Variants in TMEM132D observed in about 807,000 individuals in gnomAD.
TMEM132D encodes the protein transmembrane protein 132D, also known as mature OL transmembrane protein.
Under a neutral mutation model 62.3 loss-of-function variants are expected in TMEM132D, and 21 were observed. The observed-to-expected ratio is 0.34, with a 90% CI of 0.24 to 0.49. TMEM132D has a LOEUF of 0.49. Among genes scored for constraint, TMEM132D ranks in the 20% least tolerant of loss-of-function variants. The pLI, the probability that TMEM132D is intolerant of heterozygous loss-of-function variation, is 0.99. For synonymous variants in TMEM132D, 621 were observed against 575.6 expected (o/e 1.08, Z -1.13); for missense variants, 1,346 against 1,402.8 (o/e 0.96, Z 0.65).
At chr12:129,197,121 C>T (rs947993135) in intron 5 of TMEM132D, among the ~76,000 whole-genome samples, 20 of 152,178 alleles carry the variant, frequency 1.3e-4, no homozygotes, top group Non-Finnish European at 4.4e-5. Context: ...CACATAAAAG[C>T]AGCTACTAAC....
chr12:129,367,621 C>T (rs11060276), intron 3 of TMEM132D, among the ~76,000 whole-genome samples: 10,782 of 152,004 alleles, frequency 0.071, 570 homozygotes, highest in East Asian at 0.21. Context: ...GCCATCTCCG[C>T]GGCCAAGAGG....
intron 2 of TMEM132D, among the ~76,000 whole-genome samples, chr12:129,544,241 T>C (rs1593059807): frequency 6.6e-6 from 1 of 152,378 alleles, no homozygotes; most frequent in East Asian, 1.9e-4. Flanking sequence ...TAAACGTCTG[T>C]TCAAATCCTT....
intron 1 of TMEM132D, among the ~76,000 whole-genome samples, chr12:129,828,443 T>A (rs1272471204): frequency 6.6e-6 from 1 of 151,914 alleles, no homozygotes; most frequent in African/African-American, 2.4e-5. Context: ...GATTTATCCA[T>A]GTAGATAAAC....
intron 1 of TMEM132D, among the ~76,000 whole-genome samples, chr12:129,849,857 G>A (rs539831941): frequency 2.0e-5 from 3 of 152,184 alleles, no homozygotes; most frequent in South Asian, 2.1e-4. Flanking sequence ...TACCAGAGCC[G>A]AGGTTTTATC....
At chr12:129,316,903 C>G (rs748566001) in intron 4 of TMEM132D, among the ~76,000 whole-genome samples, 2 of 151,934 alleles carry the variant, frequency 1.3e-5, no homozygotes, top group African/African-American at 2.4e-5. Context: ...ATATAATTTC[C>G]CTCTTTGTCT....
intron 2 of TMEM132D, among the ~76,000 whole-genome samples, chr12:129,568,917 C>G (rs981759209): frequency 6.6e-6 from 1 of 152,066 alleles, no homozygotes; most frequent in Non-Finnish European, 1.5e-5. Flanking sequence ...ACTCTCAAAC[C>G]CTGGCATCCA....
At chr12:129,582,237 G>T (rs1877885311) in intron 2 of TMEM132D, among the ~76,000 whole-genome samples, 1 of 152,204 alleles carries the variant, frequency 6.6e-6, no homozygotes, top group Non-Finnish European at 1.5e-5. Context: ...CCTTCCAGAT[G>T]TTTTGGGAGC....
chr12:129,759,514 CG>C (rs1870282010), intron 1 of TMEM132D, among the ~76,000 whole-genome samples: 1 of 152,154 alleles, frequency 6.6e-6, no homozygotes, highest in Non-Finnish European at 1.5e-5. Flanking sequence ...TAGGCAGGTT[CG>C]TTCACTGCTC....
chr12:129,626,884 C>T (rs1879232668), intron 2 of TMEM132D, among the ~76,000 whole-genome samples: 1 of 152,164 alleles, frequency 6.6e-6, no homozygotes, highest in South Asian at 2.1e-4. Context: ...TATCCATGGC[C>T]CCAAAGTCCA....
chr12:129,093,192 G>A (rs116976749), intron 5 of TMEM132D, among the ~76,000 whole-genome samples: 1 of 152,208 alleles, frequency 6.6e-6, no homozygotes, highest in East Asian at 1.9e-4. Flanking sequence ...ATGTACAGAG[G>A]GAAAAACAGG....
intron 3 of TMEM132D, among the ~76,000 whole-genome samples, chr12:129,441,220 G>A (rs992168463): frequency 6.6e-6 from 1 of 152,238 alleles, no homozygotes; most frequent in South Asian, 2.1e-4. Flanking sequence ...TCAGCATCAG[G>A]AAAGGGTAGA....
chr12:129,270,674 G>A (rs908587795), intron 4 of TMEM132D, among the ~76,000 whole-genome samples: 2 of 152,114 alleles, frequency 1.3e-5, no homozygotes, highest in Non-Finnish European at 2.9e-5. Flanking sequence ...AGTGTGCCAA[G>A]AGAATGGCTG....
At chr12:129,487,708 G>A (rs990480075) in intron 3 of TMEM132D, among the ~76,000 whole-genome samples, 3 of 151,794 alleles carry the variant, frequency 2.0e-5, no homozygotes, top group Admixed American at 6.6e-5. Flanking sequence ...CGAGGCGGGC[G>A]GATCATGAGG....
intron 4 of TMEM132D, among the ~76,000 whole-genome samples, chr12:129,222,337 C>T (rs894609234): frequency 2.2e-4 from 34 of 152,160 alleles, no homozygotes; most frequent in Admixed American, 2.1e-3. Context: ...AAATGTTACC[C>T]GTCCAAAAGC....
chr12:129,407,616 G>C (rs1353331018), intron 3 of TMEM132D, among the ~76,000 whole-genome samples: 1 of 152,058 alleles, frequency 6.6e-6, no homozygotes, highest in Non-Finnish European at 1.5e-5. Context: ...TTAAAAATCA[G>C]CTAATTTTGG....
chr12:129,285,950 C>G (rs901085257), intron 4 of TMEM132D, among the ~76,000 whole-genome samples: 1 of 152,158 alleles, frequency 6.6e-6, no homozygotes, highest in African/African-American at 2.4e-5. Context: ...TTCTCACAGC[C>G]TCACATTTCT....
At chr12:129,300,539 T>G (rs1881688692) in intron 4 of TMEM132D, among the ~76,000 whole-genome samples, 1 of 152,182 alleles carries the variant, frequency 6.6e-6, no homozygotes, top group Non-Finnish European at 1.5e-5. Context: ...TATTTTTCGT[T>G]TTGGGAGGGT....
intron 1 of TMEM132D, among the ~76,000 whole-genome samples, chr12:129,781,189 C>A (rs529915311): frequency 2.0e-5 from 3 of 152,236 alleles, no homozygotes; most frequent in African/African-American, 7.2e-5. Context: ...GTACAGAAAC[C>A]GCCACATGTC....
chr12:129,449,260 T>A (rs1311317888), intron 3 of TMEM132D, among the ~76,000 whole-genome samples: 1 of 152,204 alleles, frequency 6.6e-6, no homozygotes, highest in Non-Finnish European at 1.5e-5. Flanking sequence ...CTCGATGATA[T>A]AAATGAAAAT....
Sources: allele counts gnomAD v4.1 joint callset (sites outside exome capture counted in the v4.1 genomes callset), GRCh38; gene constraint gnomAD v4.1.1; transcripts MANE v1.5; gene names NCBI Gene and HGNC (gene_info 2026-07-23, HGNC 2026-07-21).